The following GREB1 variants were observed in gnomAD, a reference collection of about 807,000 sequenced individuals.
GREB1 encodes protein GREB1.
GREB1 carries 106 observed loss-of-function variants against 200.7 expected under a neutral mutation model. The ratio of observed to expected loss-of-function variants is 0.53; its 90% CI spans 0.45 to 0.62. The LOEUF is 0.62. Ranked by LOEUF, GREB1 falls within the 20% of genes least tolerant of loss-of-function variation. The pLI, the probability that GREB1 is intolerant of heterozygous loss-of-function variation, is 0.00. For missense variants in GREB1, 2,243 were observed against 2,556.8 expected, an observed-to-expected ratio of 0.88 and a Z score of 2.65; for synonymous variants, 1,132 against 1,092.4, an observed-to-expected ratio of 1.04 and a Z score of -0.72.
At chr2:11,539,594 C>T (rs1338246113) in intron 1 of GREB1, among the ~76,000 whole-genome samples, 5 of 152,156 alleles carry the variant, frequency 3.3e-5, no homozygotes, top group African/African-American at 9.7e-5. Flanking sequence ...TGGCTCCAGT[C>T]CAAGTACACA....
chr2:11,506,825 A>G (rs1275411798), intron 1 of GREB1, among the ~76,000 whole-genome samples: 5 of 152,110 alleles, frequency 3.3e-5, no homozygotes, highest in African/African-American at 1.2e-4. Flanking sequence ...AGTCCCTGAT[A>G]CTGCACACAC....
intron 18 of GREB1, among the ~76,000 whole-genome samples, chr2:11,612,000 C>G (rs540411279): frequency 6.6e-6 from 1 of 152,012 alleles, no homozygotes; most frequent in South Asian, 2.1e-4. Context: ...TCGAGATAAG[C>G]CTGGCCAGCA....
intron 1 of GREB1, among the ~76,000 whole-genome samples, chr2:11,503,663 A>G (rs1022571390): frequency 6.6e-6 from 1 of 152,190 alleles, no homozygotes; most frequent in Non-Finnish European, 1.5e-5. Flanking sequence ...ATTTTTGCCA[A>G]CACCAAATAT....
intron 1 of GREB1, among the ~76,000 whole-genome samples, chr2:11,498,375 T>C (rs535291240): frequency 6.6e-6 from 1 of 152,342 alleles, no homozygotes; most frequent in South Asian, 2.1e-4. Flanking sequence ...CTGTCTCTCC[T>C]ACAATGGATT....
chr2:11,500,255 G>A lies in GREB1; in HGVS notation c.-159+17874G>A, dbSNP rs545601778. ...CGGCTTACCGCAACCTCCACCTCCCGAGTTCAAGTGATTCTCCTGCCTCAG... is the reference window on the plus strand; with the variant it reads ...CGGCTTACCGCAACCTCCACCTCCCAAGTTCAAGTGATTCTCCTGCCTCAG... On this transcript the variant is annotated intron_variant, in intron 1 of 2. Coordinates refer to the GREB1 transcript ENST00000628795. Among the ~76,000 whole-genome samples the A allele has an allele frequency of 3.9e-5, 6 of 152,114 alleles. No individual in the cohort carries two copies. In the South Asian group the frequency reaches 6.2e-4, roughly 16 times the overall value.
At chr2:11,606,070 G>A (rs1682258733) in intron 17 of GREB1, among the ~76,000 whole-genome samples, 1 of 151,866 alleles carries the variant, frequency 6.6e-6, no homozygotes, top group Non-Finnish European at 1.5e-5. Flanking sequence ...TACACGGGGG[G>A]TTAACTCCAG....
chr2:11,574,403 G>A (rs997344654), intron 4 of GREB1, among the ~76,000 whole-genome samples: 1 of 152,224 alleles, frequency 6.6e-6, no homozygotes, highest in South Asian at 2.1e-4. Flanking sequence ...GAAGGCTCTT[G>A]GGAATAGGCG....
Position 11,640,686 on chromosome 2 carries a change from A to G in GREB1, c.*232A>G. The G allele has an allele frequency of 1.8e-6, 1 of 542,276 alleles. No homozygotes were observed. Among genetic ancestry groups the G allele is most frequent in the East Asian group, 3.2e-5 (1 of 30,950 alleles). The allele number at this position is 542,276 out of a possible 1,614,324, so 33.6% of individuals were successfully genotyped here. On this transcript the variant is annotated 3_prime_UTR_variant, in exon 33 of 33. Coordinates refer to ENST00000381486, the MANE Select transcript of GREB1 (RefSeq NM_014668.4). The surrounding 1 kb of genome is among the most constrained non-coding windows in gnomAD (Gnocchi z 4.6). ...AGACTCCCAAGTTCTGGGCCAGCCC[A>G]TTGCTCTGGGCTGTTTTAAAGCCCA...
Position 11,623,226 on chromosome 2 carries a change from C to T in GREB1, c.4148-1928C>T, listed in dbSNP as rs562564316. Among the ~76,000 whole-genome samples the T allele has an allele frequency of 2.0e-4, 31 of 152,274 alleles. No homozygotes were observed. In the East Asian group the frequency reaches 5.4e-3, roughly 27 times the overall value. The stretch of plus-strand genomic sequence containing the variant: ...CATTACTCAAGTGTTTGTAGCGATT[C>T]GGGTGTAAATTAACCTGCACTGCCA... On this transcript the variant is annotated intron_variant, in intron 23 of 32. Coordinates refer to ENST00000381486, the MANE Select transcript of GREB1 (RefSeq NM_014668.4).
intron 4 of GREB1, among the ~76,000 whole-genome samples, chr2:11,569,741 C>T (rs1321709843): frequency 6.6e-6 from 1 of 152,204 alleles, no homozygotes; most frequent in Non-Finnish European, 1.5e-5. Context: ...TGTTTGAACC[C>T]CGAGGGTCTG....
chr2:11,572,242 G>A (rs1475880166), intron 4 of GREB1, among the ~76,000 whole-genome samples: 1 of 152,178 alleles, frequency 6.6e-6, no homozygotes, highest in Non-Finnish European at 1.5e-5. Flanking sequence ...CAGGCCTGGG[G>A]GACAGGTCTG....
At position 11,580,873 on chromosome 2, in the gene GREB1, T is replaced by G. The variant is rs749050571; in HGVS notation, c.901+41T>G. ...CTGGCCGTCCTGGGGATCCTGCTCTTCTTTGGGCCAAGGCCAGAGGGGGCA... is the reference window on the plus strand; with the variant it reads ...CTGGCCGTCCTGGGGATCCTGCTCTGCTTTGGGCCAAGGCCAGAGGGGGCA... On this transcript the variant is annotated intron_variant, in intron 7 of 32. Coordinates refer to ENST00000381486, the MANE Select transcript of GREB1 (RefSeq NM_014668.4). This position sits in a 1 kb window ranked among gnomAD's most constrained non-coding sequence, Gnocchi z 4.5. 67 of 1,613,874 alleles carry G rather than the reference T, an allele frequency of 4.2e-5. No individual in the cohort carries two copies. In the South Asian group the frequency reaches 7.0e-4, roughly 17 times the overall value.
intron 30 of GREB1, among the ~76,000 whole-genome samples, chr2:11,636,733 G>T (rs578061490): frequency 9.5e-5 from 14 of 148,108 alleles, no homozygotes; most frequent in Non-Finnish European, 2.0e-4. Flanking sequence ...CAAGGGCAGG[G>T]GTAAGGGCAT....
At chr2:11,526,566 T>C (rs998300660) in intron 1 of GREB1, among the ~76,000 whole-genome samples, 1 of 151,914 alleles carries the variant, frequency 6.6e-6, no homozygotes, top group African/African-American at 2.4e-5. Context: ...CTTTTTTTTT[T>C]TTTTTTAGAG....
At chr2:11,576,611 CTGGGG>C in intron 5 of GREB1, 76 bp downstream of exon 5, 16 of 1,114,698 alleles carry the variant, frequency 1.4e-5, no homozygotes, top group Non-Finnish European at 1.9e-5. Flanking sequence ...CGGTGTGATG[CTGGGG>C]AGAGGCCCCT....
chr2:11,489,415 C>T (rs1041063121), intron 1 of GREB1, among the ~76,000 whole-genome samples: 1 of 152,158 alleles, frequency 6.6e-6, no homozygotes, highest in African/African-American at 2.4e-5. Flanking sequence ...GCCAAGATCG[C>T]ACCACTGCCC....
At chr2:11,577,998 C>T (rs1029074512) in intron 5 of GREB1, among the ~76,000 whole-genome samples, 11 of 152,198 alleles carry the variant, frequency 7.2e-5, no homozygotes, top group East Asian at 3.9e-4. Context: ...GTAACACTCT[C>T]GTCTATGGCT....
intron 1 of GREB1, among the ~76,000 whole-genome samples, chr2:11,522,666 C>T (rs558201881): frequency 1.2e-4 from 19 of 152,226 alleles, no homozygotes; most frequent in South Asian, 4.2e-4. Context: ...AGGACACATC[C>T]GCTCTGTCTG....
At chr2:11,579,411 TTCTG>T (rs1419715533) in intron 6 of GREB1, among the ~76,000 whole-genome samples, 1 of 152,190 alleles carries the variant, frequency 6.6e-6, no homozygotes, top group Non-Finnish European at 1.5e-5. Flanking sequence ...GGCAAATCTC[TTCTG>T]TCTAATTTGT....
Sources: gnomAD v4.1 joint callset for allele counts (sites outside exome capture counted in the v4.1 genomes callset) on GRCh38, gnomAD v4.1.1 for gene constraint, Gnocchi (gnomAD v3.1) non-coding constraint, MANE v1.5 for transcripts, NCBI Gene and HGNC (gene_info 2026-07-23, HGNC 2026-07-21) for gene names.